RIT2: variants seen among roughly 807,000 people sequenced by gnomAD.
RIT2 encodes GTP-binding protein Rit2.
Under a neutral mutation model 23.7 loss-of-function variants are expected in RIT2, and 24 were observed. The observed-to-expected ratio is 1.01, with a 90% CI of 0.73 to 1.43. The LOEUF is 1.43. RIT2 is among the 40% of genes most tolerant of loss of function. The pLI is 0.00. For synonymous variants in RIT2, 107 were observed against 91.1 expected (o/e 1.17, Z -0.99); for missense variants, 236 against 266.9 (o/e 0.88, Z 0.81).
At chr18:43,096,943 G>A (rs548288938) in intron 1 of RIT2, among the ~76,000 whole-genome samples, 2 of 151,962 alleles carry the variant, frequency 1.3e-5, no homozygotes, top group South Asian at 2.1e-4. Flanking sequence ...ATGTAATGAA[G>A]GGATAAAGAG....
At chr18:43,036,506 C>T (rs1403329822) in intron 1 of RIT2, among the ~76,000 whole-genome samples, 4 of 152,148 alleles carry the variant, frequency 2.6e-5, no homozygotes, top group East Asian at 1.9e-4. Flanking sequence ...TGCCCCTGCA[C>T]TCCAGCCTGG....
At chr18:42,813,221 C>A (rs902238863) in intron 4 of RIT2, among the ~76,000 whole-genome samples, 3 of 152,056 alleles carry the variant, frequency 2.0e-5, no homozygotes, top group Admixed American at 1.3e-4. Context: ...TTGAAGGTGC[C>A]TATTTAATAG....
In RIT2 at chr18:43,110,058, C is replaced by T. The variant is rs558785057; in HGVS notation, c.103+5359G>A. On this transcript the variant is annotated intron_variant, in intron 1 of 4. Coordinates refer to ENST00000326695, the MANE Select transcript of RIT2 (RefSeq NM_002930.4). Reference sequence around the variant, plus strand: ...GTGCTTAGATACCTCTCCTACTTGCCTTCTTACTTTGTGATCAAATAAGAT... The same window carrying T: ...GTGCTTAGATACCTCTCCTACTTGCTTTCTTACTTTGTGATCAAATAAGAT... Among the ~76,000 whole-genome samples the T allele has an allele frequency of 2.0e-5, 3 of 152,194 alleles. No homozygotes were observed. In the East Asian group the frequency reaches 5.8e-4, roughly 29 times the overall value.
chr18:43,114,931 G>C (rs1467843886), intron 1 of RIT2, among the ~76,000 whole-genome samples: 2 of 152,054 alleles, frequency 1.3e-5, no homozygotes, highest in Admixed American at 6.6e-5. Context: ...CACACACCAT[G>C]TCAGACTACA....
At chr18:42,780,386 C>A (rs1913783288) in intron 4 of RIT2, among the ~76,000 whole-genome samples, 1 of 151,792 alleles carries the variant, frequency 6.6e-6, no homozygotes, top group Non-Finnish European at 1.5e-5. Flanking sequence ...TCTGGAAGCC[C>A]AAGATTCCTG....
In RIT2 at chr18:42,923,661, A is replaced by G. The variant is rs756516595; in HGVS notation, c.337T>C (p.Phe113Leu). ...DRQSFQEAAK[F>L]KELIFQVRHT... ...CGGACCTGAAAAATGAGCTCTTTAA[A>G]CTTGGCAGCCTCCTGAAATGATTGA... The change falls in exon 4 of 5, where the codon TTT becomes CTT. Residue 113 changes from phenylalanine (F) to leucine (L), a missense_variant. Physicochemically the swap from Phe to Leu is conservative, Grantham distance 22. Transcript: ENST00000326695. 3 of 1,613,252 alleles carry G rather than the reference A, an allele frequency of 1.9e-6. No homozygotes were observed. The highest frequency in any genetic ancestry group is 2.5e-6 in the Non-Finnish European group (3 of 1,179,664).
In RIT2 at chr18:42,785,995, G is replaced by A. The variant is rs540532731; in HGVS notation, c.427-42275C>T. On this transcript the variant is annotated intron_variant, in intron 4 of 4. Coordinates refer to ENST00000326695, the MANE Select transcript of RIT2 (RefSeq NM_002930.4). Reference sequence around the variant, plus strand: ...TATGCCATAATTTCTTAAATTGAATGTACTATAGATGAAAGTAAACAACTT... The same window carrying A: ...TATGCCATAATTTCTTAAATTGAATATACTATAGATGAAAGTAAACAACTT... 3.9e-5 allele frequency among the ~76,000 whole-genome samples: 6 copies of A among 152,212 alleles called. No individual in the cohort carries two copies. The East Asian group carries it at 1.2e-3, about 29-fold the overall frequency.
At chr18:43,100,292 C>T (rs1157771550) in intron 1 of RIT2, among the ~76,000 whole-genome samples, 2 of 152,034 alleles carry the variant, frequency 1.3e-5, no homozygotes, top group African/African-American at 2.4e-5. Context: ...AAAAAGCTAA[C>T]ACAAAGACCC....
intron 1 of RIT2, among the ~76,000 whole-genome samples, chr18:43,079,030 C>CT: frequency 6.6e-6 from 1 of 152,236 alleles, no homozygotes; most frequent in African/African-American, 2.4e-5. Context: ...ATACTTAGCA[C>CT]TTTTTTTCTT....
intron 3 of RIT2, among the ~76,000 whole-genome samples, chr18:42,950,656 C>G (rs1309523599): frequency 6.6e-6 from 1 of 151,810 alleles, no homozygotes; most frequent in African/African-American, 2.4e-5. Context: ...TGACAAAGGT[C>G]TAAATATCCA....
chr18:42,818,557 ATGTT>A (rs1009158292), intron 4 of RIT2, among the ~76,000 whole-genome samples: 1 of 152,050 alleles, frequency 6.6e-6, no homozygotes, highest in African/African-American at 2.4e-5. Context: ...TTGACCTTGA[ATGTT>A]AGGTGGATTG....
At chr18:42,969,607 C>T (rs1353172890) in intron 3 of RIT2, among the ~76,000 whole-genome samples, 2 of 151,514 alleles carry the variant, frequency 1.3e-5, no homozygotes, top group Non-Finnish European at 2.9e-5. Context: ...ATGACTTAAT[C>T]CAGGCCAAAG....
intron 4 of RIT2, among the ~76,000 whole-genome samples, chr18:42,860,532 G>T (rs949151289): frequency 5.3e-5 from 8 of 152,144 alleles, no homozygotes; most frequent in Non-Finnish European, 1.2e-4. Context: ...CATTCTGGAA[G>T]TACTCTTCTG....
rs141327179 is a variant in RIT2 at position 43,075,565 on chromosome 18, T to C, written c.103+39852A>G. Among the ~76,000 whole-genome samples, 970 of 152,326 alleles carry C rather than the reference T, an allele frequency of 6.4e-3. 3 individuals are homozygous for C. The highest frequency in any genetic ancestry group is 0.011 in the Non-Finnish European group (716 of 68,018). The stretch of plus-strand genomic sequence containing the variant: ...TAAAGAATGACTTTTTATAGAAAAA[T>C]TGAATTCTGTCTTAAAACACAAAAT... On this transcript the variant is annotated intron_variant, in intron 1 of 4. Coordinates refer to ENST00000326695, the MANE Select transcript of RIT2 (RefSeq NM_002930.4).
chr18:43,113,818 A>G (rs557981347), intron 1 of RIT2, among the ~76,000 whole-genome samples: 1 of 152,252 alleles, frequency 6.6e-6, no homozygotes, highest in East Asian at 1.9e-4. Context: ...TATTGCGACA[A>G]TTTCAGCATC....
chr18:43,075,878 T>C (rs752455596), intron 1 of RIT2, among the ~76,000 whole-genome samples: 1 of 152,208 alleles, frequency 6.6e-6, no homozygotes, highest in Non-Finnish European at 1.5e-5. Flanking sequence ...TTTTTGAAGA[T>C]GATTGAATTT....
At chr18:42,978,577 G>A (rs2144209960) in intron 2 of RIT2, among the ~76,000 whole-genome samples, 1 of 152,200 alleles carries the variant, frequency 6.6e-6, no homozygotes, top group East Asian at 1.9e-4. Context: ...ATCTTCTCAA[G>A]CATGAGGCCA....
At chr18:42,787,038 G>A (rs754559080) in intron 4 of RIT2, among the ~76,000 whole-genome samples, 17 of 152,046 alleles carry the variant, frequency 1.1e-4, no homozygotes, top group Non-Finnish European at 1.9e-4. Flanking sequence ...CATGTTTCCA[G>A]GAGGGATGAA....
At chr18:42,960,253 G>A (rs551956123) in intron 3 of RIT2, among the ~76,000 whole-genome samples, 76 of 152,232 alleles carry the variant, frequency 5.0e-4, no homozygotes, top group Admixed American at 2.0e-3. Flanking sequence ...ATGTAAACTT[G>A]AGAAGATTTG....
Sources: gnomAD v4.1 joint callset for allele counts (sites outside exome capture counted in the v4.1 genomes callset) on GRCh38, gnomAD v4.1.1 for gene constraint, MANE v1.5 for transcripts, NCBI Gene and HGNC (gene_info 2026-07-23, HGNC 2026-07-21) for gene names.